Variants in CEP83 observed in about 807,000 individuals in gnomAD.
CEP83 encodes the protein centrosomal protein of 83 kDa.
Under a neutral mutation model 101.9 loss-of-function variants are expected in CEP83, and 70 were observed. The observed-to-expected ratio is 0.69, with a 90% CI of 0.57 to 0.84. The LOEUF (loss-of-function observed/expected upper bound fraction) is 0.84, where lower values mean the gene tolerates loss of function less well. Ranked by LOEUF, CEP83 falls within the 40% of genes least tolerant of loss-of-function variation. CEP83 has a pLI of 0.00. For missense variants in CEP83, 715 were observed against 787.2 expected, an observed-to-expected ratio of 0.91 and a Z score of 1.10; for synonymous variants, 264 against 267.9, an observed-to-expected ratio of 0.99 and a Z score of 0.14.
At chr12:94,415,795 T>A (rs1302341003) in intron 2 of CEP83, among the ~76,000 whole-genome samples, 1 of 152,034 alleles carries the variant, frequency 6.6e-6, no homozygotes, top group African/African-American at 2.4e-5. Context: ...ACAAGAAGAT[T>A]TAAAAAAATA....
At chr12:94,366,737 A>G (rs767370124) in intron 11 of CEP83, among the ~76,000 whole-genome samples, 1 of 152,194 alleles carries the variant, frequency 6.6e-6, no homozygotes, top group Non-Finnish European at 1.5e-5. Flanking sequence ...TTTGGTTTCT[A>G]AATGCCATTC....
chr12:94,343,336 C>A (rs535888814), intron 11 of CEP83, among the ~76,000 whole-genome samples: 2 of 152,056 alleles, frequency 1.3e-5, no homozygotes, highest in Non-Finnish European at 2.9e-5. Context: ...ATTTTTTGCA[C>A]CCTGGGTGCC....
At chr12:94,316,384 T>C (rs146100295) in intron 14 of CEP83, among the ~76,000 whole-genome samples, 138 of 152,302 alleles carry the variant, frequency 9.1e-4, no homozygotes, top group East Asian at 5.0e-3. Flanking sequence ...TTGACTTTTA[T>C]GCATGCACAG....
In CEP83 at chr12:94,307,773, T is replaced by A. The variant is rs1969227085; in HGVS notation, c.*1040A>T. 6.6e-6 allele frequency: 1 copy of A among 152,064 alleles called. No individual in the cohort carries two copies. Among genetic ancestry groups the A allele is most frequent in the South Asian group, 2.1e-4 (1 of 4,826 alleles). The allele number at this position is 152,064 out of a possible 1,614,324, so 9.4% of individuals were successfully genotyped here. On this transcript the variant is annotated 3_prime_UTR_variant, in exon 17 of 17. Transcript: ENST00000397809. ...TTTTCAGAGATAAGGTGTCACTGTATATGCTGTGAATAAGCAGCTATATTA... is the reference window on the plus strand; with the variant it reads ...TTTTCAGAGATAAGGTGTCACTGTAAATGCTGTGAATAAGCAGCTATATTA...
At chr12:94,413,821 T>TACAC (rs1294128109) in intron 2 of CEP83, among the ~76,000 whole-genome samples, 1 of 118,104 alleles carries the variant, frequency 8.5e-6, no homozygotes, top group African/African-American at 3.2e-5. Flanking sequence ...AGTCCCATAA[T>TACAC]ACATACACAC....
At chr12:94,268,588 C>CTTTTTTTTTTTT in the CEP83 span, among the ~76,000 whole-genome samples, 22 of 90,882 alleles carry the variant, frequency 2.4e-4, no homozygotes, top group African/African-American at 6.0e-4. Flanking sequence ...AGAATAAGAC[C>CTTTTTTTTTTTT]TTTTTTTTTT....
chr12:94,319,388 T>C (rs1971247126), intron 14 of CEP83, among the ~76,000 whole-genome samples: 1 of 152,184 alleles, frequency 6.6e-6, no homozygotes, highest in Non-Finnish European at 1.5e-5. Flanking sequence ...GTTCATGTTT[T>C]GATCTCCTTC....
intron 6 of CEP83, among the ~76,000 whole-genome samples, chr12:94,393,121 T>C (rs1281908555): frequency 6.6e-6 from 1 of 152,320 alleles, no homozygotes; most frequent in Non-Finnish European, 1.5e-5. Context: ...CCCTAACTCA[T>C]TTTATGAGGC....
intron 11 of CEP83, among the ~76,000 whole-genome samples, chr12:94,365,431 A>T (rs1369456430): frequency 6.6e-6 from 1 of 152,184 alleles, no homozygotes; most frequent in Non-Finnish European, 1.5e-5. Context: ...CCTCCAGAAA[A>T]TGAAAATATT....
rs187974976 is a variant in CEP83 at position 94,421,707 on chromosome 12, G to A, written c.-101-9116C>T. Among the ~76,000 whole-genome samples the A allele has an allele frequency of 4.6e-5, 7 of 152,046 alleles. No individual in the cohort carries two copies. The South Asian group carries it at 8.3e-4, about 18-fold the overall frequency. Reference sequence around the variant, plus strand: ...GTTGTGTGAACATCAAAGAATGTACGGTACTTACACAAACCTAGATGATAT... The same window carrying A: ...GTTGTGTGAACATCAAAGAATGTACAGTACTTACACAAACCTAGATGATAT... On this transcript the variant is annotated intron_variant, in intron 2 of 16. Coordinates refer to ENST00000397809, the MANE Select transcript of CEP83 (RefSeq NM_016122.3).
At chr12:94,347,056 T>TATATATATAC (rs1277702429) in intron 11 of CEP83, among the ~76,000 whole-genome samples, 1 of 141,288 alleles carries the variant, frequency 7.1e-6, no homozygotes, top group Non-Finnish European at 1.6e-5. Context: ...AACAAATATA[T>TATATATATAC]ATATATATAT....
downstream of CEP83, chr12:94,306,380 G>A (rs553314454): frequency 6.6e-5 from 10 of 152,130 alleles, no homozygotes; most frequent in African/African-American, 1.2e-4. Context: ...AGTATTCCTC[G>A]CAGGAGAAAG....
At chr12:94,337,991 G>T (rs755963177) in intron 11 of CEP83, among the ~76,000 whole-genome samples, 1 of 152,170 alleles carries the variant, frequency 6.6e-6, no homozygotes, top group South Asian at 2.1e-4. Context: ...AAGGGAGCCA[G>T]GTTAATAGGC....
At chr12:94,423,244 C>T (rs2064907199) in intron 2 of CEP83, among the ~76,000 whole-genome samples, 1 of 152,086 alleles carries the variant, frequency 6.6e-6, no homozygotes, top group Non-Finnish European at 1.5e-5. Flanking sequence ...GCCAGCACAC[C>T]CGGCTGATTT....
At chr12:94,354,448 AGT>A (rs765603287) in intron 11 of CEP83, among the ~76,000 whole-genome samples, 4 of 152,122 alleles carry the variant, frequency 2.6e-5, no homozygotes, top group Admixed American at 6.5e-5. Context: ...GGTCTCCCAA[AGT>A]GCTGGGATTA....
the CEP83 span, chr12:94,282,476 C>A: frequency 1.1e-6 from 1 of 942,540 alleles, no homozygotes; most frequent in Non-Finnish European, 1.7e-6. Context: ...TTTAAAACAT[C>A]CAGGACTCCC....
At chr12:94,268,656 G>A in the CEP83 span, among the ~76,000 whole-genome samples, 3 of 143,770 alleles carry the variant, frequency 2.1e-5, no homozygotes, top group Non-Finnish European at 4.5e-5. Flanking sequence ...GTGCAGTGGC[G>A]CAGTCTTGGC....
intron 2 of CEP83, among the ~76,000 whole-genome samples, chr12:94,425,858 C>T (rs1019891885): frequency 1.2e-4 from 18 of 152,110 alleles, no homozygotes; most frequent in African/African-American, 2.9e-4. Flanking sequence ...CGGTGGCTCA[C>T]GCCTGTAATC....
chr12:94,306,379 C>T (rs1283428067), downstream of CEP83: 4 of 152,094 alleles, frequency 2.6e-5, no homozygotes, highest in Admixed American at 1.3e-4. Flanking sequence ...AAGTATTCCT[C>T]GCAGGAGAAA....
Sources: gnomAD v4.1 joint callset for allele counts (sites outside exome capture counted in the v4.1 genomes callset) on GRCh38, gnomAD v4.1.1 for gene constraint, MANE v1.5 for transcripts, NCBI Gene and HGNC (gene_info 2026-07-23, HGNC 2026-07-21) for gene names.